PCDH9: variants seen among roughly 807,000 people sequenced by gnomAD.
The protein encoded by PCDH9 is protocadherin-9.
In PCDH9, 24 loss-of-function variants were observed where a neutral mutation model predicts 70.6. The ratio of observed to expected loss-of-function variants is 0.34; its 90% CI spans 0.25 to 0.48. The LOEUF (loss-of-function observed/expected upper bound fraction) is 0.48, where lower values mean the gene tolerates loss of function less well. PCDH9 is among the 20% of genes least tolerant of loss of function. PCDH9 has a pLI of 0.99. For synonymous variants in PCDH9, 562 were observed against 558.5 expected (o/e 1.01, Z -0.09); for missense variants, 1,281 against 1,503.6 (o/e 0.85, Z 2.45).
chr13:66,690,002 A>G (rs971812343), intron 3 of PCDH9, among the ~76,000 whole-genome samples: 2 of 152,198 alleles, frequency 1.3e-5, no homozygotes, highest in Non-Finnish European at 2.9e-5. Flanking sequence ...ACTAAATTTG[A>G]TGAGCATTAT....
intron 3 of PCDH9, among the ~76,000 whole-genome samples, chr13:66,834,497 C>G (rs901535814): frequency 6.6e-6 from 1 of 152,080 alleles, no homozygotes; most frequent in African/African-American, 2.4e-5. Context: ...TACAACTGTA[C>G]CCAAAATTAC....
intron 3 of PCDH9, among the ~76,000 whole-genome samples, chr13:66,660,686 A>G (rs2139015336): frequency 6.6e-6 from 1 of 152,342 alleles, no homozygotes; most frequent in South Asian, 2.1e-4. Context: ...TATTAGTAGT[A>G]CATTATAAAT....
At chr13:66,553,950 T>C (rs191209250) in intron 4 of PCDH9, among the ~76,000 whole-genome samples, 2 of 152,166 alleles carry the variant, frequency 1.3e-5, no homozygotes, top group Non-Finnish European at 2.9e-5. Flanking sequence ...TATGGCTTTG[T>C]GGAGGTTTCT....
intron 4 of PCDH9, among the ~76,000 whole-genome samples, chr13:66,349,791 C>T (rs9599105): frequency 0.037 from 5,661 of 152,206 alleles, 170 homozygotes; most frequent in Non-Finnish European, 0.059. Context: ...GAACGGAGCT[C>T]GTGAAAGCCG....
intron 2 of PCDH9, among the ~76,000 whole-genome samples, chr13:67,014,321 G>C (rs901208128): frequency 1.3e-5 from 2 of 152,018 alleles, no homozygotes; most frequent in Non-Finnish European, 2.9e-5. Flanking sequence ...AGGTAGCCCA[G>C]GCACAGTCTT....
chr13:66,930,139 C>G (rs1259300761), intron 2 of PCDH9, among the ~76,000 whole-genome samples: 2 of 152,074 alleles, frequency 1.3e-5, no homozygotes, highest in Non-Finnish European at 2.9e-5. Context: ...TACCTCAAAC[C>G]AATGTTCTAT....
chr13:66,695,079 A>G (rs927496621), intron 3 of PCDH9, among the ~76,000 whole-genome samples: 1 of 151,516 alleles, frequency 6.6e-6, no homozygotes, highest in African/African-American at 2.4e-5. Flanking sequence ...AATTTTTTGT[A>G]TTTTTAGTAA....
In PCDH9 at chr13:66,330,601, G is replaced by GT. The variant is rs1180034976; in HGVS notation, c.3341-25574_3341-25573insA. Among the ~76,000 whole-genome samples the GT allele has an allele frequency of 2.0e-5, 3 of 151,668 alleles. No homozygotes were observed. The East Asian group carries it at 5.8e-4, about 29-fold the overall frequency. On this transcript the variant is annotated intron_variant, in intron 4 of 4. Coordinates refer to ENST00000377865, the MANE Select transcript of PCDH9 (RefSeq NM_203487.3). Reference sequence around the variant, plus strand: ...GTAATTTGTGTGGGGGTGGGGGAAAGCCCAGCCTTAAAAGAAAAGATCAAG... The same window carrying GT: ...GTAATTTGTGTGGGGGTGGGGGAAAGTCCCAGCCTTAAAAGAAAAGATCAAG...
Position 67,225,405 on chromosome 13 carries a change from C to T in PCDH9, c.3036G>A (p.Gln1012=). 1 of 1,613,590 alleles carries T rather than the reference C, an allele frequency of 6.2e-7. No individual in the cohort carries two copies. Among genetic ancestry groups the T allele is most frequent in the Non-Finnish European group, 8.5e-7 (1 of 1,179,764 alleles). ...TAGACCAGTAAAAGTGCTCGTTTAC[C>T]TGTCTGGTGTGTAAGGGGCCCTTTG... is the stretch of plus-strand genomic sequence containing the variant. The part of the protein sequence containing the change: ...FKTKGPLHTR[Q]CNSHSKSDNI... The change falls in exon 2 of 5, where the codon CAG becomes CAA. Residue 1012 remains glutamine, a splice_region_variant and synonymous_variant. Coordinates refer to ENST00000377865, the MANE Select transcript of PCDH9 (RefSeq NM_203487.3).
chr13:67,160,958 G>A (rs2087941829), intron 2 of PCDH9, among the ~76,000 whole-genome samples: 1 of 152,194 alleles, frequency 6.6e-6, no homozygotes, highest in African/African-American at 2.4e-5. Context: ...CAAGTAGCAT[G>A]GGGACATTTA....
intron 2 of PCDH9, among the ~76,000 whole-genome samples, chr13:66,952,149 T>G (rs552915767): frequency 6.6e-6 from 1 of 152,290 alleles, no homozygotes; most frequent in South Asian, 2.1e-4. Context: ...TTCCCCTTCA[T>G]GATATAGCAG....
intron 3 of PCDH9, among the ~76,000 whole-genome samples, chr13:66,715,313 T>A (rs1566524085): frequency 6.6e-6 from 1 of 152,212 alleles, no homozygotes; most frequent in East Asian, 1.9e-4. Context: ...AATGTTAATG[T>A]ACTTCATTAA....
At chr13:66,460,883 C>G (rs1388672946) in intron 4 of PCDH9, among the ~76,000 whole-genome samples, 1 of 151,816 alleles carries the variant, frequency 6.6e-6, no homozygotes, top group African/African-American at 2.4e-5. Flanking sequence ...ACCAGAAGCT[C>G]CTACCTACAC....
At chr13:66,527,838 C>T (rs1427624412) in intron 4 of PCDH9, among the ~76,000 whole-genome samples, 1 of 151,980 alleles carries the variant, frequency 6.6e-6, no homozygotes, top group Non-Finnish European at 1.5e-5. Context: ...GGGAACATGG[C>T]AAAATCCCGT....
chr13:66,723,280 C>T (rs896139942), intron 3 of PCDH9, among the ~76,000 whole-genome samples: 1 of 152,120 alleles, frequency 6.6e-6, no homozygotes, highest in Non-Finnish European at 1.5e-5. Flanking sequence ...AGGGAGTTAA[C>T]AGGCCCCTCC....
chr13:66,413,230 G>T (rs912140578), intron 4 of PCDH9, among the ~76,000 whole-genome samples: 1 of 152,016 alleles, frequency 6.6e-6, no homozygotes, highest in African/African-American at 2.4e-5. Flanking sequence ...CAATACTTAA[G>T]TTGTTCCTAA....
intron 2 of PCDH9, among the ~76,000 whole-genome samples, chr13:67,150,877 C>T (rs545200819): frequency 6.6e-6 from 1 of 152,090 alleles, no homozygotes; most frequent in Non-Finnish European, 1.5e-5. Context: ...CCTTTTAATC[C>T]AACCTACATA....
rs5804308 is a variant in PCDH9 at position 67,063,530 on chromosome 13, C to CAA, written c.3037-159927_3037-159926dup. ...ATAGAATTTAAAAAGCTTTCCAAGG[C>CAA]AAAAAAAAAAAATGCTACCACATTC... On this transcript the variant is annotated intron_variant, in intron 2 of 4. Transcript: ENST00000377865. Among the ~76,000 whole-genome samples, 631 of 147,876 alleles carry CAA rather than the reference C, an allele frequency of 4.3e-3. 2 individuals carry two copies. The highest frequency in any genetic ancestry group is 5.6e-3 in the African/African-American group (227 of 40,564).
chr13:67,007,499 A>T (rs1247946156), intron 2 of PCDH9, among the ~76,000 whole-genome samples: 1 of 152,194 alleles, frequency 6.6e-6, no homozygotes, highest in African/African-American at 2.4e-5. Flanking sequence ...GTAAAATGGT[A>T]TTCAGTTGGC....
Sources: allele counts gnomAD v4.1 joint callset (sites outside exome capture counted in the v4.1 genomes callset), GRCh38; gene constraint gnomAD v4.1.1; transcripts MANE v1.5; gene names NCBI Gene and HGNC (gene_info 2026-07-23, HGNC 2026-07-21).